Variants in SH2B1 observed in about 807,000 individuals in gnomAD.
The protein encoded by SH2B1 is SH2B adaptor protein 1.
SH2B1 carries 15 observed loss-of-function variants against 62.6 expected under a neutral mutation model. The observed-to-expected ratio is 0.24, with a 90% CI of 0.16 to 0.37. The LOEUF (loss-of-function observed/expected upper bound fraction) is 0.37, where lower values mean the gene tolerates loss of function less well. Among genes scored for constraint, SH2B1 ranks in the 10% least tolerant of loss-of-function variants. The probability of loss-of-function intolerance (pLI) is 1.00; values close to 1 mark genes in which losing one functional copy is unlikely to be tolerated. For synonymous variants in SH2B1, 443 were observed against 438.0 expected, an observed-to-expected ratio of 1.01 and a Z score of -0.14; for missense variants, 925 against 1,015.6, an observed-to-expected ratio of 0.91 and a Z score of 1.21.
chr16:28,853,046 TTATATATGTACA>T lies in SH2B1; in HGVS notation c.-301+6239_-301+6250del, dbSNP rs1281055696. On this transcript the variant is annotated intron_variant, in intron 1 of 10. Transcript: ENST00000322610. ...TGTACATATATATGTACATATATAT[TTATATATGTACA>T]TATATATGTACATATATATTTATAT... Among the ~76,000 whole-genome samples, 23 of 98,756 alleles carry T rather than the reference TTATATATGTACA, an allele frequency of 2.3e-4. 1 individual carries two copies. The highest frequency in any genetic ancestry group is 6.7e-4 in the East Asian group (2 of 2,992). 64.8% of individuals were successfully genotyped at this position (98,756 alleles called of 152,430 possible). A position where few individuals can be genotyped will look rare whatever the true frequency, so the allele number is the denominator to read the frequency against.
At chr16:28,860,927 G>A (rs1263713950), upstream of SH2B1, among the ~76,000 whole-genome samples, 2 of 141,834 alleles carry the variant, frequency 1.4e-5, no homozygotes, top group East Asian at 2.2e-4. Context: ...AGCGATTCTC[G>A]TGCCTCAGCC....
chr16:28,852,003 G>C (rs1347951719), intron 1 of SH2B1, among the ~76,000 whole-genome samples: 1 of 149,020 alleles, frequency 6.7e-6, no homozygotes, highest in Admixed American at 6.7e-5. Context: ...GGAGGCGGAG[G>C]TTGCAGTGAG....
At chr16:28,859,367 A>C (rs1962387905), upstream of SH2B1, among the ~76,000 whole-genome samples, 1 of 152,196 alleles carries the variant, frequency 6.6e-6, no homozygotes, top group South Asian at 2.1e-4. Flanking sequence ...TACCCAACAG[A>C]TAAATTCCTT....
At position 28,864,670 on chromosome 16, in the gene SH2B1, C is replaced by T; in HGVS notation, c.-1425C>T. On this transcript the variant is annotated 5_prime_UTR_variant, in exon 1 of 8. Coordinates refer to ENST00000684370, the MANE Select transcript of SH2B1 (RefSeq NM_001387430.1). Reference sequence around the variant, plus strand: ...TCTGGCCCCAGTCCTGGGGCTGTCACCTTCCAGTATTGCGTGGCGGGAGGA... The same window carrying T: ...TCTGGCCCCAGTCCTGGGGCTGTCATCTTCCAGTATTGCGTGGCGGGAGGA... 1 of 985,174 alleles carries T rather than the reference C, an allele frequency of 1.0e-6. No homozygotes were observed. The highest frequency in any genetic ancestry group is 1.2e-6 in the Non-Finnish European group (1 of 829,856). The allele number at this position is 985,174 out of a possible 1,614,324, so 61.0% of individuals were successfully genotyped here.
intron 2 of SH2B1, among the ~76,000 whole-genome samples, chr16:28,868,688 C>T (rs1199745789): frequency 6.6e-6 from 1 of 152,100 alleles, no homozygotes. Context: ...GAACTCTTGA[C>T]CTTGTGATCC....
At chr16:28,861,305 G>A (rs1264508728), upstream of SH2B1, among the ~76,000 whole-genome samples, 5 of 152,028 alleles carry the variant, frequency 3.3e-5, no homozygotes, top group Non-Finnish European at 5.9e-5. Flanking sequence ...GCTAATTTTT[G>A]TATTTTTAGT....
upstream of SH2B1, chr16:28,861,884 A>T (rs1962454594): frequency 6.6e-6 from 1 of 152,246 alleles, no homozygotes; most frequent in African/African-American, 2.4e-5. Context: ...TGCTCCTTCT[A>T]GGAGAGTTGC....
In SH2B1 at chr16:28,874,000, C is replaced by T; in HGVS notation, c.*180C>T. On this transcript the variant is annotated 3_prime_UTR_variant, in exon 8 of 8. Transcript: ENST00000684370. This position sits in a 1 kb window ranked among gnomAD's most constrained non-coding sequence, Gnocchi z 4.2. Reference sequence around the variant, plus strand: ...GGCTCCCGTCACACACTACAGGTCCCCTCCCCAGGGCAGGGGATTTGGGCT... The same window carrying T: ...GGCTCCCGTCACACACTACAGGTCCTCTCCCCAGGGCAGGGGATTTGGGCT... 1 of 514,878 alleles carries T rather than the reference C, an allele frequency of 1.9e-6. No individual in the cohort carries two copies. The highest frequency in any genetic ancestry group is 3.0e-6 in the Non-Finnish European group (1 of 328,890). The allele number at this position is 514,878 out of a possible 1,614,324, so 31.9% of individuals were successfully genotyped here.
At chr16:28,847,213 C>T (rs1567456170) in intron 1 of SH2B1, among the ~76,000 whole-genome samples, 1 of 152,222 alleles carries the variant, frequency 6.6e-6, no homozygotes, top group Non-Finnish European at 1.5e-5. Flanking sequence ...CCTGAGTCTC[C>T]TTTAATCTGT....
chr16:28,864,274 G>A lies in SH2B1; in HGVS notation c.-1821G>A, dbSNP rs1962565440. On this transcript the variant is annotated 5_prime_UTR_variant, in exon 1 of 8. Transcript: ENST00000684370. ...AACTGAGCCAGGAGGCAGGTGCACC[G>A]GGAAAATGTGTCTGAGTCCTGCTTG... The A allele has an allele frequency of 1.8e-5, 18 of 1,002,944 alleles. No individual in the cohort carries two copies. Among genetic ancestry groups the A allele is most frequent in the Non-Finnish European group, 2.1e-5 (18 of 840,632 alleles). The allele number at this position is 1,002,944 out of a possible 1,614,324, so 62.1% of individuals were successfully genotyped here.
chr16:28,869,124 G>C (rs1962891237), intron 3 of SH2B1, 27 bp downstream of exon 3: 1 of 1,613,594 alleles, frequency 6.2e-7, no homozygotes, highest in Non-Finnish European at 8.5e-7. Flanking sequence ...CTGTCGCTAA[G>C]GGACATAGAG....
upstream of SH2B1, among the ~76,000 whole-genome samples, chr16:28,859,968 G>C (rs1021078926): frequency 2.7e-5 from 4 of 150,404 alleles, no homozygotes; most frequent in African/African-American, 9.8e-5. Flanking sequence ...CTGCTTATGA[G>C]GAAGAAGGGT....
upstream of SH2B1, chr16:28,863,598 G>T: frequency 2.2e-6 from 3 of 1,370,858 alleles, no homozygotes; most frequent in South Asian, 2.6e-5. Context: ...CCTTTGTCCC[G>T]AATTTCCTCC....
At chr16:28,859,933 G>A (rs781246058), upstream of SH2B1, among the ~76,000 whole-genome samples, 24 of 147,628 alleles carry the variant, frequency 1.6e-4, no homozygotes, top group East Asian at 4.0e-4. Context: ...TAGTTATAGC[G>A]GAAAGCATCC....
At chr16:28,867,656 G>T (rs190617877) in intron 2 of SH2B1, among the ~76,000 whole-genome samples, 1 of 152,294 alleles carries the variant, frequency 6.6e-6, no homozygotes, top group Non-Finnish European at 1.5e-5. Context: ...AGTTTTTGTT[G>T]TTGTGGTTGT....
At chr16:28,847,989 C>A (rs952368611) in intron 1 of SH2B1, among the ~76,000 whole-genome samples, 1 of 151,836 alleles carries the variant, frequency 6.6e-6, no homozygotes, top group Admixed American at 6.6e-5. Flanking sequence ...CCACGCCTGG[C>A]TAATTTTAGT....
upstream of SH2B1, chr16:28,846,612 G>A: frequency 2.5e-6 from 1 of 396,216 alleles, no homozygotes; most frequent in Non-Finnish European, 4.6e-6. Flanking sequence ...GGGCGTAGTA[G>A]TTCTCAGGTC....
In SH2B1 at chr16:28,852,808, A is replaced by T. The variant is rs1207552120; in HGVS notation, c.-301+5981A>T. ...TACATATATATTTACATATATATTT[A>T]CATATATTTACATATATATTTATAT... On this transcript the variant is annotated intron_variant, in intron 1 of 10. Transcript: ENST00000322610. 8.2e-4 allele frequency among the ~76,000 whole-genome samples: 44 copies of T among 53,524 alleles called. 15 individuals carry two copies. Among genetic ancestry groups the T allele is most frequent in the Non-Finnish European group, 1.2e-3 (39 of 32,438 alleles). 35.1% of individuals were successfully genotyped at this position (53,524 alleles called of 152,430 possible).
chr16:28,851,135 C>A (rs1483092125), intron 1 of SH2B1, among the ~76,000 whole-genome samples: 1 of 150,150 alleles, frequency 6.7e-6, no homozygotes, highest in East Asian at 2.0e-4. Flanking sequence ...GATTGCGCCA[C>A]TGCACTCCAG....
Sources: allele counts gnomAD v4.1 joint callset (sites outside exome capture counted in the v4.1 genomes callset), GRCh38; gene constraint gnomAD v4.1.1; non-coding constraint Gnocchi (gnomAD v3.1); transcripts MANE v1.5; gene names NCBI Gene and HGNC (gene_info 2026-07-23, HGNC 2026-07-21).